Variants in SYNDIG1 observed in about 807,000 individuals in gnomAD.
The protein encoded by SYNDIG1 is synapse differentiation-inducing gene protein 1.
SYNDIG1 carries 9 observed loss-of-function variants against 19.4 expected under a neutral mutation model. The observed-to-expected ratio is 0.46, with a 90% CI of 0.28 to 0.81. The LOEUF (loss-of-function observed/expected upper bound fraction) is 0.81. Ranked by LOEUF, SYNDIG1 falls within the 30% of genes least tolerant of loss-of-function variation. SYNDIG1 has a pLI of 0.12. For missense variants in SYNDIG1, 311 were observed against 343.3 expected (o/e 0.91, Z 0.74); for synonymous variants, 141 against 145.9 (o/e 0.97, Z 0.24).
intron 1 of SYNDIG1, among the ~76,000 whole-genome samples, chr20:24,470,144 C>G (rs2055378999): frequency 6.6e-6 from 1 of 152,166 alleles, no homozygotes; most frequent in Admixed American, 6.5e-5. Flanking sequence ...GCCAGGCTGC[C>G]CAGCAGGGCC....
chr20:24,525,283 CTTCTTTTT>C lies in SYNDIG1; in HGVS notation c.-78-17734_-78-17727del, dbSNP rs1403026155. Among the ~76,000 whole-genome samples the C allele has an allele frequency of 7.6e-5, 9 of 118,086 alleles. No homozygotes were observed. The South Asian group carries it at 1.1e-3, about 15-fold the overall frequency. 77.5% of individuals were successfully genotyped at this position (118,086 alleles called of 152,430 possible). On this transcript the variant is annotated intron_variant, in intron 1 of 3. Coordinates refer to ENST00000376862, the MANE Select transcript of SYNDIG1 (RefSeq NM_024893.3). ...TAATGTTTTATACATACTTCTTCTT[CTTCTTTTT>C]TTTTTTTTTTTTTTTTTTGAGACAG... is the stretch of plus-strand genomic sequence containing the variant.
chr20:24,538,777 T>TA (rs1353322155), intron 1 of SYNDIG1, among the ~76,000 whole-genome samples: 2 of 151,916 alleles, frequency 1.3e-5, no homozygotes, highest in African/African-American at 2.4e-5. Context: ...TTTTCCGTTT[T>TA]TTTTTTTAAC....
At chr20:24,656,636 C>T (rs1157592424) in intron 3 of SYNDIG1, among the ~76,000 whole-genome samples, 2 of 152,240 alleles carry the variant, frequency 1.3e-5, no homozygotes, top group Admixed American at 1.3e-4. Context: ...AAATCCACTT[C>T]CTGGACCAGA....
In SYNDIG1 at chr20:24,488,615, C is replaced by T. The variant is rs1015622398; in HGVS notation, c.-79+18862C>T. ...CAGAGGGTGTGGACACCAGAGGAGC[C>T]GTCCCTGGGCATCACATTGGCTCTT... is the stretch of plus-strand genomic sequence containing the variant. On this transcript the variant is annotated intron_variant, in intron 1 of 3. Transcript: ENST00000376862. Among the ~76,000 whole-genome samples the T allele has an allele frequency of 1.5e-4, 23 of 152,334 alleles. 1 individual carries two copies. The highest frequency in any genetic ancestry group is 5.3e-4 in the African/African-American group (22 of 41,578).
chr20:24,635,165 C>G (rs1413320687), intron 3 of SYNDIG1, among the ~76,000 whole-genome samples: 1 of 152,210 alleles, frequency 6.6e-6, no homozygotes, highest in African/African-American at 2.4e-5. Flanking sequence ...TTGTCTCCTG[C>G]TGGGCCGTGG....
intron 3 of SYNDIG1, among the ~76,000 whole-genome samples, chr20:24,608,620 A>C (rs1253526925): frequency 6.6e-6 from 1 of 152,222 alleles, no homozygotes; most frequent in Non-Finnish European, 1.5e-5. Context: ...AGGAATACAC[A>C]GGATATTATG....
intron 3 of SYNDIG1, among the ~76,000 whole-genome samples, chr20:24,625,560 T>C (rs1233209654): frequency 1.3e-5 from 2 of 151,996 alleles, no homozygotes; most frequent in East Asian, 1.9e-4. Flanking sequence ...GGAGTGATGA[T>C]GACTCTTAAC....
chr20:24,519,218 TAA>T (rs2056952406), intron 1 of SYNDIG1, among the ~76,000 whole-genome samples: 2 of 152,200 alleles, frequency 1.3e-5, no homozygotes, highest in African/African-American at 4.8e-5. Context: ...TGATGTTAAT[TAA>T]TTACAAGATG....
intron 1 of SYNDIG1, among the ~76,000 whole-genome samples, chr20:24,499,305 G>A (rs568702867): frequency 1.3e-5 from 2 of 152,328 alleles, no homozygotes; most frequent in South Asian, 2.1e-4. Flanking sequence ...GGTTACAGGC[G>A]TGAGCCACTG....
At chr20:24,626,828 C>A (rs1029060792) in intron 3 of SYNDIG1, among the ~76,000 whole-genome samples, 166 of 152,368 alleles carry the variant, frequency 1.1e-3, no homozygotes, top group African/African-American at 4.0e-3. Flanking sequence ...AATCCCGGCA[C>A]CTCGGGAGGC....
intron 3 of SYNDIG1, 82 bp from the exon 4 acceptor site, chr20:24,665,264 C>T (rs1286270280): frequency 2.0e-6 from 3 of 1,494,284 alleles, no homozygotes; most frequent in East Asian, 2.3e-5. Flanking sequence ...TTTTCTGAAT[C>T]AGGAGCCGTA....
intron 3 of SYNDIG1, among the ~76,000 whole-genome samples, chr20:24,663,199 G>A (rs958784819): frequency 6.6e-6 from 1 of 152,228 alleles, no homozygotes; most frequent in African/African-American, 2.4e-5. Context: ...GCTGAAGGCA[G>A]CCTGCTTGCT....
intron 1 of SYNDIG1, among the ~76,000 whole-genome samples, chr20:24,500,688 C>T (rs1435241732): frequency 3.3e-5 from 5 of 152,042 alleles, no homozygotes; most frequent in Non-Finnish European, 7.4e-5. Flanking sequence ...TTAGACTTGA[C>T]CTCACGTCTG....
At chr20:24,643,718 AT>A (rs2059400321) in intron 3 of SYNDIG1, among the ~76,000 whole-genome samples, 1 of 152,174 alleles carries the variant, frequency 6.6e-6, no homozygotes, top group South Asian at 2.1e-4. Flanking sequence ...ATACAATAAG[AT>A]TTTGTCTTTG....
chr20:24,557,981 C>A (rs1029027255), intron 2 of SYNDIG1, among the ~76,000 whole-genome samples: 13 of 152,278 alleles, frequency 8.5e-5, no homozygotes, highest in African/African-American at 3.1e-4. Flanking sequence ...GATGGGAGCT[C>A]AGTCTCAAAT....
chr20:24,627,088 G>A (rs965313654), intron 3 of SYNDIG1, among the ~76,000 whole-genome samples: 24 of 149,722 alleles, frequency 1.6e-4, no homozygotes, highest in African/African-American at 4.7e-4. Flanking sequence ...GAGGGAGACC[G>A]TGGGGAGAGG....
At chr20:24,661,312 AAGG>A (rs2059583255) in intron 3 of SYNDIG1, among the ~76,000 whole-genome samples, 1 of 114,250 alleles carries the variant, frequency 8.8e-6, no homozygotes, top group East Asian at 3.1e-4. Flanking sequence ...GGAGGGAGGA[AAGG>A]GGAGGGAGGG....
At chr20:24,501,689 G>T (rs1004377990) in intron 1 of SYNDIG1, among the ~76,000 whole-genome samples, 4 of 152,300 alleles carry the variant, frequency 2.6e-5, no homozygotes, top group African/African-American at 7.2e-5. Flanking sequence ...GTCACAGGGG[G>T]TTATTACGTA....
intron 2 of SYNDIG1, among the ~76,000 whole-genome samples, chr20:24,550,304 GTC>G (rs1417044628): frequency 6.7e-6 from 1 of 149,276 alleles, no homozygotes; most frequent in African/African-American, 2.5e-5. Flanking sequence ...TGGTGTAGAT[GTC>G]TCTCTAATAT....
Sources: allele counts gnomAD v4.1 joint callset (sites outside exome capture counted in the v4.1 genomes callset), GRCh38; gene constraint gnomAD v4.1.1; transcripts MANE v1.5; gene names NCBI Gene and HGNC (gene_info 2026-07-23, HGNC 2026-07-21).